The following SNTG2 variants were observed in gnomAD, a reference collection of about 807,000 sequenced individuals.
SNTG2 encodes gamma-2-syntrophin.
Under a neutral mutation model 70.9 loss-of-function variants are expected in SNTG2, and 74 were observed. That is an observed-to-expected ratio of 1.04 (90% CI 0.86 to 1.27). The LOEUF is 1.27. Ranked by LOEUF, SNTG2 falls within the 50% of genes most tolerant of loss-of-function variation. The pLI is 0.00. For missense variants in SNTG2, 717 were observed against 690.7 expected (o/e 1.04, Z -0.43); for synonymous variants, 278 against 273.8 (o/e 1.02, Z -0.15).
intron 8 of SNTG2, among the ~76,000 whole-genome samples, chr2:1,189,786 A>T (rs558198780): frequency 5.3e-5 from 8 of 152,190 alleles, no homozygotes; most frequent in African/African-American, 1.9e-4. Flanking sequence ...TGACCTCGTG[A>T]TCCACCCACT....
chr2:1,290,269 C>T (rs1445655799), intron 14 of SNTG2, among the ~76,000 whole-genome samples: 1 of 151,106 alleles, frequency 6.6e-6, no homozygotes, highest in African/African-American at 2.4e-5. Context: ...GCTGTCTTCA[C>T]ATGGTGGAGA....
intron 14 of SNTG2, among the ~76,000 whole-genome samples, chr2:1,271,621 C>T (rs1679023377): frequency 1.3e-5 from 2 of 152,124 alleles, no homozygotes; most frequent in African/African-American, 4.8e-5. Flanking sequence ...CTCCACCTTG[C>T]TGAGTTTTGA....
intron 6 of SNTG2, among the ~76,000 whole-genome samples, chr2:1,156,680 C>T (rs903961160): frequency 2.6e-5 from 4 of 152,030 alleles, no homozygotes; most frequent in African/African-American, 4.8e-5. Context: ...GGCAGAAGGA[C>T]GAGGGACCAG....
chr2:1,285,274 T>C (rs932874615), intron 14 of SNTG2, among the ~76,000 whole-genome samples: 29 of 152,190 alleles, frequency 1.9e-4, no homozygotes, highest in Non-Finnish European at 3.1e-4. Context: ...AATGTTAATC[T>C]CCTTTGCCAA....
intron 13 of SNTG2, among the ~76,000 whole-genome samples, chr2:1,264,024 A>G (rs1678591724): frequency 6.6e-6 from 1 of 152,244 alleles, no homozygotes; most frequent in African/African-American, 2.4e-5. Flanking sequence ...TTGTATGCCA[A>G]TTGTTTTCTA....
At chr2:1,284,811 T>C (rs1679701042) in intron 14 of SNTG2, among the ~76,000 whole-genome samples, 1 of 152,188 alleles carries the variant, frequency 6.6e-6, no homozygotes, top group Admixed American at 6.5e-5. Context: ...GTTTTGTTTA[T>C]TAATGACAAA....
chr2:1,325,442 T>C (rs1681720127), intron 16 of SNTG2, among the ~76,000 whole-genome samples: 1 of 152,238 alleles, frequency 6.6e-6, no homozygotes, highest in Non-Finnish European at 1.5e-5. Context: ...ATACAAGTTA[T>C]TTCAGTCCAG....
chr2:1,244,306 C>A (rs1287171624), intron 11 of SNTG2, among the ~76,000 whole-genome samples: 1 of 152,152 alleles, frequency 6.6e-6, no homozygotes, highest in Admixed American at 6.5e-5. Flanking sequence ...CTCTACTCCT[C>A]CCTCTTACTA....
chr2:1,148,215 G>A (rs28653466), intron 6 of SNTG2, among the ~76,000 whole-genome samples: 142,658 of 152,296 alleles, frequency 0.94, 66,943 homozygotes, highest in Non-Finnish European at 0.97. Flanking sequence ...GAAAGTGTTG[G>A]AAAACTGTGA....
chr2:1,282,123 C>T (rs980662816), intron 14 of SNTG2, among the ~76,000 whole-genome samples: 1 of 152,152 alleles, frequency 6.6e-6, no homozygotes, highest in Non-Finnish European at 1.5e-5. Flanking sequence ...GTGTGCCCAC[C>T]TTACTTATTG....
intron 10 of SNTG2, among the ~76,000 whole-genome samples, chr2:1,238,468 A>G (rs1343944870): frequency 2.0e-5 from 3 of 152,258 alleles, no homozygotes; most frequent in African/African-American, 7.2e-5. Flanking sequence ...CAAAAACATT[A>G]CTTCTCAAAT....
intron 6 of SNTG2, among the ~76,000 whole-genome samples, chr2:1,153,376 A>T (rs1342544480): frequency 1.3e-5 from 2 of 152,316 alleles, no homozygotes; most frequent in East Asian, 3.9e-4. Flanking sequence ...TTGTTACATG[A>T]TGTTTATTTT....
Position 1,005,824 on chromosome 2 carries a change from T to A in SNTG2, c.72+54756T>A, listed in dbSNP as rs1243820963. Among the ~76,000 whole-genome samples, 7 of 81,514 alleles carry A rather than the reference T, an allele frequency of 8.6e-5. 1 individual carries two copies. In the East Asian group the frequency reaches 7.9e-3, roughly 92 times the overall value. 53.5% of individuals were successfully genotyped at this position (81,514 alleles called of 152,430 possible). ...GCCTCAAAATATATATATATATATA[T>A]ATATATATATATATATATATATATA... On this transcript the variant is annotated intron_variant, in intron 1 of 16. Coordinates refer to ENST00000308624, the MANE Select transcript of SNTG2 (RefSeq NM_018968.4).
At chr2:1,000,096 G>T (rs919315985) in intron 1 of SNTG2, among the ~76,000 whole-genome samples, 4 of 151,746 alleles carry the variant, frequency 2.6e-5, no homozygotes. Context: ...TGAAAATGGA[G>T]CTACAACATA....
chr2:1,023,449 T>C (rs1310588139), intron 1 of SNTG2, among the ~76,000 whole-genome samples: 2 of 152,204 alleles, frequency 1.3e-5, no homozygotes, highest in Non-Finnish European at 2.9e-5. Flanking sequence ...AATGTGCAAA[T>C]AGTTGATGTT....
chr2:959,766 T>C (rs111525242), intron 1 of SNTG2, among the ~76,000 whole-genome samples: 2,936 of 151,294 alleles, frequency 0.019, 85 homozygotes, highest in African/African-American at 0.067. Flanking sequence ...GGATGTGATT[T>C]GAATCTTCCT....
chr2:1,166,837 G>A (rs1670739963), intron 7 of SNTG2, among the ~76,000 whole-genome samples: 1 of 152,228 alleles, frequency 6.6e-6, no homozygotes, highest in Non-Finnish European at 1.5e-5. Context: ...GAGCGGAAGA[G>A]TATGCTGACA....
intron 1 of SNTG2, among the ~76,000 whole-genome samples, chr2:1,069,880 G>A (rs901898561): frequency 1.3e-5 from 2 of 152,054 alleles, no homozygotes; most frequent in Non-Finnish European, 2.9e-5. Flanking sequence ...AGATGTCCCC[G>A]GGAACTCTGG....
intron 4 of SNTG2, among the ~76,000 whole-genome samples, chr2:1,119,842 A>G (rs1033494324): frequency 2.0e-5 from 3 of 152,192 alleles, no homozygotes; most frequent in African/African-American, 7.2e-5. Context: ...CTTGAATATT[A>G]CAAATAAGAA....
Sources: gnomAD v4.1 joint callset for allele counts (sites outside exome capture counted in the v4.1 genomes callset) on GRCh38, gnomAD v4.1.1 for gene constraint, MANE v1.5 for transcripts, NCBI Gene and HGNC (gene_info 2026-07-23, HGNC 2026-07-21) for gene names.